Variants in EIF3H observed in about 807,000 individuals in gnomAD.
The protein encoded by EIF3H is eIF-3-gamma.
A neutral mutation model predicts 44.2 loss-of-function variants in EIF3H; 26 were observed. That is an observed-to-expected ratio of 0.59 (90% CI 0.43 to 0.82). EIF3H has a LOEUF of 0.82. EIF3H is among the 40% of genes least tolerant of loss of function. The probability of loss-of-function intolerance (pLI) is 0.00; values close to 1 mark genes in which losing one functional copy is unlikely to be tolerated. For missense variants in EIF3H, 359 were observed against 432.8 expected, an observed-to-expected ratio of 0.83 and a Z score of 1.51; for synonymous variants, 166 against 151.9, an observed-to-expected ratio of 1.09 and a Z score of -0.68.
intron 2 of EIF3H, among the ~76,000 whole-genome samples, chr8:116,681,599 G>A (rs1045107964): frequency 3.3e-5 from 5 of 150,412 alleles, no homozygotes; most frequent in Non-Finnish European, 1.5e-5. Flanking sequence ...CCGGGAGGTG[G>A]AGGTTGTAGT....
chr8:116,716,037 A>T (rs560508914), intron 2 of EIF3H, among the ~76,000 whole-genome samples: 194 of 112,938 alleles, frequency 1.7e-3, no homozygotes, highest in African/African-American at 4.7e-3. Context: ...CAAATTGTGA[A>T]TTAAGAGAGA....
At chr8:116,743,025 T>C (rs1020270793) in intron 1 of EIF3H, among the ~76,000 whole-genome samples, 2 of 152,252 alleles carry the variant, frequency 1.3e-5, no homozygotes, top group African/African-American at 4.8e-5. Flanking sequence ...GATGCATTTC[T>C]GTGTAAAATG....
At chr8:116,675,681 G>A (rs1283281702) in intron 2 of EIF3H, among the ~76,000 whole-genome samples, 1 of 152,192 alleles carries the variant, frequency 6.6e-6, no homozygotes, top group African/African-American at 2.4e-5. Context: ...ATAATCTACT[G>A]CTGATCCACT....
chr8:116,650,297 C>T (rs942788397), intron 5 of EIF3H, among the ~76,000 whole-genome samples: 3 of 152,148 alleles, frequency 2.0e-5, no homozygotes, highest in Admixed American at 1.3e-4. Context: ...TAAAGTGATA[C>T]AGCTGCTGTG....
At chr8:116,734,223 A>C (rs1040345937) in intron 1 of EIF3H, 4 of 452,448 alleles carry the variant, frequency 8.8e-6, no homozygotes, top group Admixed American at 7.2e-5. Context: ...CAGATTGCGG[A>C]AATTGCTAAG....
At chr8:116,690,857 C>A (rs1814162291) in intron 2 of EIF3H, among the ~76,000 whole-genome samples, 1 of 152,158 alleles carries the variant, frequency 6.6e-6, no homozygotes, top group African/African-American at 2.4e-5. Context: ...AAATACTTTT[C>A]CTCTGTTAAA....
At chr8:116,706,725 G>A (rs1392796226) in intron 2 of EIF3H, among the ~76,000 whole-genome samples, 1 of 151,624 alleles carries the variant, frequency 6.6e-6, no homozygotes, top group African/African-American at 2.4e-5. Flanking sequence ...AAAAGATGGA[G>A]TTTCACCAAG....
chr8:116,661,513 T>C (rs1813586647), intron 2 of EIF3H, among the ~76,000 whole-genome samples: 1 of 152,198 alleles, frequency 6.6e-6, no homozygotes, highest in Admixed American at 6.5e-5. Context: ...TGATATTTAA[T>C]TTTCCCATCT....
chr8:116,646,576 T>A lies in EIF3H; in HGVS notation c.856A>T (p.Met286Leu). Residue 286 changes from methionine to leucine, a missense_variant, in exon 7 of 8, where the codon ATG becomes TTG. By Grantham distance (15) the Met-to-Leu change is conservative (BLOSUM62 2). Transcript: ENST00000521861. ...QYQQRRQQEN[M>L]QRQSRGEPPL... ...GGTTCTCCTCGGCTCTGGCGCTGCA[T>A]ATTCTCCTGCTGGCGACGCTGCTGA... 1 of 1,614,100 alleles carries A rather than the reference T, an allele frequency of 6.2e-7. No individual in the cohort carries two copies. Among genetic ancestry groups the A allele is most frequent in the South Asian group, 1.1e-5 (1 of 91,068 alleles).
At chr8:116,691,066 CATTTT>C (rs1814165324) in intron 2 of EIF3H, among the ~76,000 whole-genome samples, 1 of 152,192 alleles carries the variant, frequency 6.6e-6, no homozygotes, top group South Asian at 2.1e-4. Flanking sequence ...ATCAAAGGGG[CATTTT>C]ATAACCCTAG....
chr8:116,699,187 A>G (rs1321223707), intron 2 of EIF3H, among the ~76,000 whole-genome samples: 2 of 152,142 alleles, frequency 1.3e-5, no homozygotes, highest in Non-Finnish European at 2.9e-5. Flanking sequence ...ACTTGGGTGT[A>G]CATGCCTAAA....
At chr8:116,661,430 G>A (rs369341949) in intron 2 of EIF3H, among the ~76,000 whole-genome samples, 19 of 152,306 alleles carry the variant, frequency 1.2e-4, no homozygotes, top group African/African-American at 4.3e-4. Flanking sequence ...TTGGAATCTA[G>A]AGGTCGAGGT....
intron 5 of EIF3H, among the ~76,000 whole-genome samples, chr8:116,654,906 A>G (rs972216618): frequency 9.9e-6 from 1 of 100,548 alleles, no homozygotes; most frequent in African/African-American, 2.9e-5. Context: ...AAGTCTGTAC[A>G]CTTTTTTTTT....
chr8:116,676,506 C>G (rs1333371448), intron 2 of EIF3H, among the ~76,000 whole-genome samples: 5 of 152,198 alleles, frequency 3.3e-5, no homozygotes, highest in African/African-American at 1.2e-4. Flanking sequence ...CTCACTAACT[C>G]TCATGAGAAC....
intron 1 of EIF3H, among the ~76,000 whole-genome samples, chr8:116,736,582 A>C (rs767967167): frequency 2.6e-5 from 4 of 152,178 alleles, no homozygotes; most frequent in Non-Finnish European, 5.9e-5. Context: ...GAACCGTTTC[A>C]ACCGGGGAGG....
intron 2 of EIF3H, among the ~76,000 whole-genome samples, chr8:116,681,304 G>A (rs1288051045): frequency 5.3e-5 from 8 of 152,184 alleles, no homozygotes; most frequent in Admixed American, 5.2e-4. Flanking sequence ...AGAGGTTGTA[G>A]TGAGCCGAGA....
chr8:116,744,606 T>C lies in EIF3H; in HGVS notation c.132+11060A>G, dbSNP rs576521831. 4.0e-4 allele frequency among the ~76,000 whole-genome samples: 61 copies of C among 152,340 alleles called. 1 individual carries two copies. The South Asian group carries it at 0.012, about 30-fold the overall frequency. On this transcript the variant is annotated intron_variant, in intron 1 of 7. Transcript: ENST00000521861. ...TATTAAACCTAATCTTTACTGCATA[T>C]AGCCATTTTAAAGAATGATCTACCT...
chr8:116,755,740 C>A lies in EIF3H; in HGVS notation c.58G>T (p.Gly20Cys), dbSNP rs199638798. ...TTGCCTTTGCCTTTCCCTGCTGCGC[C>A]GGCGGTGGAGCTGGAAGAGGTGGCA... ...STATSSSSTA[G>C]AAGKGKGKGG... Residue 20 changes from glycine (G) to cysteine (C), a missense_variant, in exon 1 of 8, where the codon GGC becomes TGC. Gly to Cys is a radical substitution (Grantham distance 159). Coordinates refer to ENST00000521861, the MANE Select transcript of EIF3H (RefSeq NM_003756.3). 14 of 1,614,160 alleles carry A rather than the reference C, an allele frequency of 8.7e-6. No homozygotes were observed. In the Admixed American group the frequency reaches 1.5e-4, roughly 17 times the overall value.
chr8:116,730,505 G>A (rs1044596744), intron 1 of EIF3H, among the ~76,000 whole-genome samples: 2 of 151,826 alleles, frequency 1.3e-5, no homozygotes, highest in Admixed American at 6.6e-5. Context: ...TGCCAGAAAG[G>A]TTGCAGACAC....
Sources: gnomAD v4.1 joint callset for allele counts (sites outside exome capture counted in the v4.1 genomes callset) on GRCh38, gnomAD v4.1.1 for gene constraint, MANE v1.5 for transcripts, NCBI Gene and HGNC (gene_info 2026-07-23, HGNC 2026-07-21) for gene names.